Variants in EYA1 observed in about 807,000 individuals in gnomAD.
EYA1 encodes the protein protein phosphatase EYA1.
A neutral mutation model predicts 82.0 loss-of-function variants in EYA1; 16 were observed. That is an observed-to-expected ratio of 0.20 (90% CI 0.13 to 0.30). The LOEUF (loss-of-function observed/expected upper bound fraction) is 0.30, where lower values mean the gene tolerates loss of function less well. EYA1 is among the 10% of genes least tolerant of loss of function. The pLI is 1.00. For synonymous variants in EYA1, 261 were observed against 264.4 expected (o/e 0.99, Z 0.12); for missense variants, 633 against 730.7 (o/e 0.87, Z 1.54).
At chr8:71,217,513 C>CA (rs1428183252) in intron 12 of EYA1, among the ~76,000 whole-genome samples, 1 of 152,154 alleles carries the variant, frequency 6.6e-6, no homozygotes, top group African/African-American at 2.4e-5. Flanking sequence ...GGAGCCCAGA[C>CA]AAAAAATCTG....
chr8:71,278,502 C>A (rs1425902406), intron 9 of EYA1, among the ~76,000 whole-genome samples: 1 of 152,180 alleles, frequency 6.6e-6, no homozygotes, highest in Non-Finnish European at 1.5e-5. Flanking sequence ...AACAGTGCAT[C>A]ATTTTTAATT....
At chr8:71,407,852 G>C (rs1830349012) in intron 2 of EYA1, among the ~76,000 whole-genome samples, 2 of 149,514 alleles carry the variant, frequency 1.3e-5, no homozygotes, top group Non-Finnish European at 1.5e-5. Flanking sequence ...CCAACGTTCA[G>C]ATTCAGGAAA....
chr8:71,524,446 T>G (rs761125881), intron 2 of EYA1, among the ~76,000 whole-genome samples: 1 of 152,236 alleles, frequency 6.6e-6, no homozygotes, highest in Admixed American at 6.5e-5. Flanking sequence ...AGTATTCATT[T>G]TTAGGCTTGT....
At chr8:71,222,746 T>C (rs1322594371) in intron 12 of EYA1, among the ~76,000 whole-genome samples, 1 of 152,210 alleles carries the variant, frequency 6.6e-6, no homozygotes, top group East Asian at 1.9e-4. Context: ...AGCTAAATAA[T>C]GTGAGATAAA....
intron 1 of EYA1, among the ~76,000 whole-genome samples, chr8:71,536,719 C>T (rs1814741380): frequency 1.3e-5 from 2 of 152,166 alleles, no homozygotes; most frequent in African/African-American, 4.8e-5. Flanking sequence ...CTTAGTATTA[C>T]CACGATAAAA....
chr8:71,343,737 T>C (rs1444922152), intron 3 of EYA1, among the ~76,000 whole-genome samples: 1 of 152,220 alleles, frequency 6.6e-6, no homozygotes, highest in African/African-American at 2.4e-5. Flanking sequence ...AATAAACTAG[T>C]ACAGTTGGAT....
At position 71,362,021 on chromosome 8, in the gene EYA1, C is replaced by T. The variant is rs886063094; in HGVS notation, c.-429G>A. The T allele has an allele frequency of 6.1e-6, 6 of 985,368 alleles. No individual in the cohort carries two copies. Among genetic ancestry groups the T allele is most frequent in the Non-Finnish European group, 7.2e-6 (6 of 829,988 alleles). 61.0% of individuals were successfully genotyped at this position (985,368 alleles called of 1,614,324 possible). On this transcript the variant is annotated 5_prime_UTR_variant, in exon 1 of 18. Transcript: ENST00000340726. Reference sequence around the variant, plus strand: ...ACCGTTCTGTTTGGTAACAGCTTTGCGCCCAGCGCTCCTTCCCCACCAAAC... The same window carrying T: ...ACCGTTCTGTTTGGTAACAGCTTTGTGCCCAGCGCTCCTTCCCCACCAAAC...
chr8:71,399,453 G>C (rs1443102629), intron 2 of EYA1, among the ~76,000 whole-genome samples: 1 of 152,130 alleles, frequency 6.6e-6, no homozygotes, highest in Non-Finnish European at 1.5e-5. Context: ...TATACATGTG[G>C]TTATATCTCC....
At chr8:71,410,833 C>A (rs1830550876) in intron 2 of EYA1, among the ~76,000 whole-genome samples, 1 of 133,160 alleles carries the variant, frequency 7.5e-6, no homozygotes, top group Non-Finnish European at 1.6e-5. Flanking sequence ...CAATGCCATC[C>A]CCATCAAGCT....
chr8:71,339,189 C>A (rs574876322), intron 3 of EYA1, among the ~76,000 whole-genome samples: 1 of 152,084 alleles, frequency 6.6e-6, no homozygotes, highest in African/African-American at 2.4e-5. Context: ...ATCTATTCTC[C>A]GACTCCTGCT....
chr8:71,235,397 C>T (rs1375290192), intron 12 of EYA1, among the ~76,000 whole-genome samples: 1 of 152,174 alleles, frequency 6.6e-6, no homozygotes, highest in Non-Finnish European at 1.5e-5. Flanking sequence ...AGGAGTGAAA[C>T]TCATTCCTAC....
intron 2 of EYA1, among the ~76,000 whole-genome samples, chr8:71,444,447 G>A (rs1806690899): frequency 1.3e-5 from 2 of 152,220 alleles, no homozygotes; most frequent in South Asian, 4.1e-4. Context: ...TTGAAAGGGG[G>A]CAGAGATGGT....
intron 11 of EYA1, among the ~76,000 whole-genome samples, chr8:71,246,548 G>T (rs1265512890): frequency 6.6e-6 from 1 of 152,134 alleles, no homozygotes; most frequent in Admixed American, 6.5e-5. Flanking sequence ...CATCTGCCAT[G>T]CCTGTTAAGT....
intron 2 of EYA1, among the ~76,000 whole-genome samples, chr8:71,507,460 A>G (rs976499502): frequency 9.2e-5 from 14 of 152,226 alleles, no homozygotes; most frequent in African/African-American, 3.1e-4. Context: ...GCACTCTAAC[A>G]CTTCGCTGGT....
At position 71,343,031 on chromosome 8, in the gene EYA1, A is replaced by C. The variant is rs117268466; in HGVS notation, c.125-8857T>G. 2.7e-4 allele frequency among the ~76,000 whole-genome samples: 41 copies of C among 152,266 alleles called. No homozygotes were observed. In the East Asian group the frequency reaches 3.9e-3, roughly 14 times the overall value. ...TCAGTATGTCCTAAGAACAAAGAGA[A>C]GGAGGTTTTATTAGAAAATGTTACA... On this transcript the variant is annotated intron_variant, in intron 3 of 17. Coordinates refer to ENST00000340726, the MANE Select transcript of EYA1 (RefSeq NM_000503.6).
intron 7 of EYA1, among the ~76,000 whole-genome samples, chr8:71,310,878 G>A (rs1455942658): frequency 6.6e-6 from 1 of 151,884 alleles, no homozygotes; most frequent in Non-Finnish European, 1.5e-5. Context: ...AGATACTGGA[G>A]ATTAAAATAT....
chr8:71,493,851 G>A (rs1035226630), intron 2 of EYA1, among the ~76,000 whole-genome samples: 3 of 148,150 alleles, frequency 2.0e-5, no homozygotes, highest in Admixed American at 6.7e-5. Flanking sequence ...GTGAAACCCC[G>A]TCTCTACTAA....
intron 2 of EYA1, among the ~76,000 whole-genome samples, chr8:71,408,317 A>G (rs958241142): frequency 7.2e-5 from 11 of 151,934 alleles, no homozygotes; most frequent in African/African-American, 2.7e-4. Flanking sequence ...GCATCAACTA[A>G]CGAGCAAAAA....
intron 2 of EYA1, chr8:71,403,485 T>C (rs1218560502): frequency 6.6e-6 from 1 of 152,150 alleles, no homozygotes; most frequent in East Asian, 1.9e-4. Context: ...GCTTTTCAGT[T>C]TGCATATACA....
Sources: allele counts gnomAD v4.1 joint callset (sites outside exome capture counted in the v4.1 genomes callset), GRCh38; gene constraint gnomAD v4.1.1; transcripts MANE v1.5; gene names NCBI Gene and HGNC (gene_info 2026-07-23, HGNC 2026-07-21).